The following PEX5L variants were observed in gnomAD, a reference collection of about 807,000 sequenced individuals.
PEX5L encodes PEX5-related protein.
PEX5L carries 30 observed loss-of-function variants against 84.0 expected under a neutral mutation model. That is an observed-to-expected ratio of 0.36 (90% CI 0.27 to 0.48). The LOEUF (loss-of-function observed/expected upper bound fraction) is 0.48. Ranked by LOEUF, PEX5L falls within the 20% of genes least tolerant of loss-of-function variation. The probability of loss-of-function intolerance (pLI) is 0.99; values close to 1 mark genes in which losing one functional copy is unlikely to be tolerated. For missense variants in PEX5L, 533 were observed against 754.6 expected, an observed-to-expected ratio of 0.71 and a Z score of 3.44; for synonymous variants, 270 against 283.1, an observed-to-expected ratio of 0.95 and a Z score of 0.46.
At chr3:179,825,115 G>C (rs1038367458) in intron 8 of PEX5L, among the ~76,000 whole-genome samples, 8 of 152,124 alleles carry the variant, frequency 5.3e-5, no homozygotes, top group Non-Finnish European at 1.2e-4. Flanking sequence ...ATCTCTTCAG[G>C]CATGAGTGAC....
At chr3:180,023,285 A>G (rs192722071) in intron 1 of PEX5L, among the ~76,000 whole-genome samples, 5 of 152,300 alleles carry the variant, frequency 3.3e-5, no homozygotes, top group Admixed American at 6.5e-5. Flanking sequence ...TTTTACGAAC[A>G]TCTCACTGTC....
chr3:179,854,673 T>A (rs997708632), intron 8 of PEX5L, among the ~76,000 whole-genome samples: 3 of 152,174 alleles, frequency 2.0e-5, no homozygotes, highest in African/African-American at 7.2e-5. Flanking sequence ...GCGTTACCCA[T>A]ACAGAGTGAT....
intron 11 of PEX5L, among the ~76,000 whole-genome samples, 156 bp downstream of exon 11, chr3:179,811,645 T>C (rs1045410183): frequency 7.9e-5 from 12 of 152,224 alleles, no homozygotes; most frequent in Non-Finnish European, 1.6e-4. Flanking sequence ...AAGTTGTTTT[T>C]CAGAGCTAAG....
rs1057389797 is a variant in PEX5L at position 179,875,551 on chromosome 3, G to T, written c.506-74C>A. On this transcript the variant is annotated intron_variant, in intron 5 of 14. Coordinates refer to ENST00000467460, the MANE Select transcript of PEX5L (RefSeq NM_016559.3). ...TAGGGGGAGCGGTGGCGGGGAGTGG[G>T]GTGAGGGTGGAGCGTGTGGTGCAGA... 41 of 995,282 alleles carry T rather than the reference G, an allele frequency of 4.1e-5. 1 individual carries two copies. Among genetic ancestry groups the T allele is most frequent in the Non-Finnish European group, 6.1e-5 (39 of 644,390 alleles). 61.7% of individuals were successfully genotyped at this position (995,282 alleles called of 1,614,324 possible). A position where few individuals can be genotyped will look rare whatever the true frequency, so the allele number is the denominator to read the frequency against.
At chr3:179,852,858 T>A (rs1742431135) in intron 8 of PEX5L, among the ~76,000 whole-genome samples, 1 of 152,214 alleles carries the variant, frequency 6.6e-6, no homozygotes, top group Non-Finnish European at 1.5e-5. Context: ...CAGAACGTGA[T>A]TTTGAATCTA....
At chr3:179,819,747 A>T (rs1007850682) in intron 9 of PEX5L, 113 bp downstream of exon 9, 3 of 919,220 alleles carry the variant, frequency 3.3e-6, no homozygotes, top group Non-Finnish European at 5.1e-6. Flanking sequence ...TTGACATTAA[A>T]TTGTCTTTTT....
chr3:179,858,710 C>G (rs1383528687), intron 8 of PEX5L, among the ~76,000 whole-genome samples: 3 of 152,140 alleles, frequency 2.0e-5, no homozygotes, highest in Non-Finnish European at 4.4e-5. Context: ...AAGCATGAAC[C>G]TTGGCCTCAC....
intron 2 of PEX5L, among the ~76,000 whole-genome samples, chr3:179,917,844 A>C (rs1026172112): frequency 5.3e-5 from 8 of 152,210 alleles, no homozygotes; most frequent in Admixed American, 3.3e-4. Flanking sequence ...TTTTTAGTAG[A>C]GACAGGGCTT....
rs1722944078 is a variant in PEX5L at position 179,809,652 on chromosome 3, G to C, written c.1171C>G (p.Pro391Ala). Residue 391 changes from proline to alanine, a missense_variant, in exon 12 of 15, where the codon CCC becomes GCC. Physicochemically the swap from Pro to Ala is conservative, Grantham distance 27. Transcript: ENST00000467460. ...VALQRCLELQ[P>A]NNLKALMALA... is the part of the protein sequence containing the mutation. ...GCCATCAAAGCTTTTAAGTTGTTGG[G>C]CTGTAATTCTAAGCACCTGAAAAAA... 6.3e-7 allele frequency: 1 copy of C among 1,599,962 alleles called. No individual in the cohort carries two copies. Among genetic ancestry groups the C allele is most frequent in the African/African-American group, 1.4e-5 (1 of 71,778 alleles).
chr3:179,894,742 A>G (rs1025104480), intron 3 of PEX5L, among the ~76,000 whole-genome samples: 1 of 152,092 alleles, frequency 6.6e-6, no homozygotes, highest in Non-Finnish European at 1.5e-5. Context: ...ATGGGTGATG[A>G]CAGATAGAAA....
intron 11 of PEX5L, 121 bp downstream of exon 11, chr3:179,811,680 C>T: frequency 1.3e-6 from 1 of 779,920 alleles, no homozygotes; most frequent in Non-Finnish European, 2.3e-6. Flanking sequence ...GGTATCTCAG[C>T]ACTTATCCTT....
At position 179,924,802 on chromosome 3, in the gene PEX5L, TA is replaced by T. The variant is rs1240632505; in HGVS notation, c.94-26557del. On this transcript the variant is annotated intron_variant, in intron 2 of 14. Coordinates refer to ENST00000467460, the MANE Select transcript of PEX5L (RefSeq NM_016559.3). ...TTAAGAGAGTCAACAGAAATTACAT[TA>T]ATTTTTATATTTTAGGGTATAGAGC... Among the ~76,000 whole-genome samples, 14 of 152,330 alleles carry T rather than the reference TA, an allele frequency of 9.2e-5. No individual in the cohort carries two copies. In the East Asian group the frequency reaches 2.3e-3, roughly 25 times the overall value.
chr3:179,932,118 TAAACA>T (rs1047428236), intron 2 of PEX5L, among the ~76,000 whole-genome samples: 1 of 152,136 alleles, frequency 6.6e-6, no homozygotes, highest in African/African-American at 2.4e-5. Flanking sequence ...TATAACCCAG[TAAACA>T]AAACATTATG....
At chr3:179,959,628 C>T (rs913994475) in intron 2 of PEX5L, among the ~76,000 whole-genome samples, 5 of 151,948 alleles carry the variant, frequency 3.3e-5, no homozygotes, top group Non-Finnish European at 2.9e-5. Flanking sequence ...TTCTATCTTC[C>T]TCCTGAAGTT....
At chr3:179,940,744 C>T (rs954728121) in intron 2 of PEX5L, among the ~76,000 whole-genome samples, 4 of 152,260 alleles carry the variant, frequency 2.6e-5, no homozygotes, top group African/African-American at 7.2e-5. Context: ...TCCTCAGAGG[C>T]CTAATTTAGA....
intron 1 of PEX5L, among the ~76,000 whole-genome samples, chr3:180,002,959 T>C (rs984033726): frequency 6.6e-5 from 10 of 152,118 alleles, no homozygotes; most frequent in Non-Finnish European, 1.5e-4. Context: ...ATTTGGAGCG[T>C]ATTTTATCTT....
intron 1 of PEX5L, among the ~76,000 whole-genome samples, chr3:179,997,549 A>C (rs1461397516): frequency 6.6e-6 from 1 of 152,174 alleles, no homozygotes; most frequent in African/African-American, 2.4e-5. Context: ...ACAATATCAC[A>C]TCCCTGGAGG....
chr3:179,991,918 A>C (rs1787415956), intron 1 of PEX5L, among the ~76,000 whole-genome samples: 1 of 152,212 alleles, frequency 6.6e-6, no homozygotes, highest in East Asian at 1.9e-4. Flanking sequence ...AAAAAAATCA[A>C]ATCTAGGCTC....
At position 180,036,775 on chromosome 3, in the gene PEX5L, C is replaced by T; in HGVS notation, c.-176G>A. The T allele has an allele frequency of 1.5e-6, 1 of 659,812 alleles. No homozygotes were observed. Among genetic ancestry groups the T allele is most frequent in the Admixed American group, 2.4e-5 (1 of 41,036 alleles). 40.9% of individuals were successfully genotyped at this position (659,812 alleles called of 1,614,324 possible). On this transcript the variant is annotated 5_prime_UTR_variant, in exon 1 of 15. Transcript: ENST00000467460. ...GGCGGCCACTCGGCAGCGCTGCGGG[C>T]TGCCGGGAACTGTTCTCCGCTCGGG... is the stretch of plus-strand genomic sequence containing the variant.
Sources: allele counts gnomAD v4.1 joint callset (sites outside exome capture counted in the v4.1 genomes callset), GRCh38; gene constraint gnomAD v4.1.1; transcripts MANE v1.5; gene names NCBI Gene and HGNC (gene_info 2026-07-23, HGNC 2026-07-21).